The following ROBO2 variants were observed in gnomAD, a reference collection of about 807,000 sequenced individuals.
ROBO2 encodes roundabout homolog 2.
A neutral mutation model predicts 160.8 loss-of-function variants in ROBO2; 53 were observed. The ratio of observed to expected loss-of-function variants is 0.33; its 90% CI spans 0.26 to 0.41. The LOEUF (loss-of-function observed/expected upper bound fraction) is 0.41, where lower values mean the gene tolerates loss of function less well. ROBO2 is among the 10% of genes least tolerant of loss of function. The pLI, the probability that ROBO2 is intolerant of heterozygous loss-of-function variation, is 1.00. For synonymous variants in ROBO2, 664 were observed against 611.7 expected, an observed-to-expected ratio of 1.09 and a Z score of -1.26; for missense variants, 1,577 against 1,722.4, an observed-to-expected ratio of 0.92 and a Z score of 1.49.
At chr3:77,146,840 C>T (rs547896697) in intron 2 of ROBO2, among the ~76,000 whole-genome samples, 15 of 152,170 alleles carry the variant, frequency 9.9e-5, no homozygotes, top group East Asian at 3.9e-4. Flanking sequence ...TGGTGGCACG[C>T]GCCTGCAGTC....
chr3:77,427,791 T>A (rs2078354517), intron 2 of ROBO2, among the ~76,000 whole-genome samples: 2 of 152,222 alleles, frequency 1.3e-5, no homozygotes, highest in African/African-American at 4.8e-5. Context: ...CTGCTAATTA[T>A]CCTACTGGAA....
At chr3:76,469,995 C>T (rs1001477124) in intron 2 of ROBO2, among the ~76,000 whole-genome samples, 1 of 152,072 alleles carries the variant, frequency 6.6e-6, no homozygotes, top group African/African-American at 2.4e-5. Context: ...CCAGCTTGGA[C>T]CCTTACTTTT....
chr3:75,931,281 C>T (rs945784122), intron 1 of ROBO2, among the ~76,000 whole-genome samples: 1 of 152,180 alleles, frequency 6.6e-6, no homozygotes, highest in Non-Finnish European at 1.5e-5. Context: ...TCTTTTTATT[C>T]TCAGGTCTTA....
intron 2 of ROBO2, among the ~76,000 whole-genome samples, chr3:76,752,574 GCAGTCT>G (rs2307862): frequency 0.18 from 27,706 of 151,586 alleles, 2,656 homozygotes; most frequent in Non-Finnish European, 0.22. Flanking sequence ...TAAGACTAAA[GCAGTCT>G]CAGTATTCAT....
intron 2 of ROBO2, among the ~76,000 whole-genome samples, chr3:76,452,148 A>G (rs1017523761): frequency 6.6e-6 from 1 of 152,052 alleles, no homozygotes; most frequent in Non-Finnish European, 1.5e-5. Context: ...TATTTATGTT[A>G]CTTTGCTTTT....
chr3:77,536,605 CT>C (rs1411083039), intron 6 of ROBO2, among the ~76,000 whole-genome samples: 2 of 152,192 alleles, frequency 1.3e-5, no homozygotes, highest in Middle Eastern at 3.4e-3. Flanking sequence ...TTGTAACATG[CT>C]TGATTGTTTC....
At chr3:77,418,182 C>A (rs2153529349) in intron 2 of ROBO2, among the ~76,000 whole-genome samples, 1 of 152,160 alleles carries the variant, frequency 6.6e-6, no homozygotes, top group African/African-American at 2.4e-5. Flanking sequence ...TCACAGCAGC[C>A]TTTTTGGTGC....
chr3:76,340,759 C>T lies in ROBO2; in HGVS notation c.109+403157C>T, dbSNP rs2074175575. ...ATGGATAAATAAGATGTCAATGCTG[C>T]AAATAAAATGAACTTTTTTTAGTTC... On this transcript the variant is annotated intron_variant, in intron 2 of 26. Coordinates refer to the ROBO2 transcript ENST00000487694. 2.0e-5 allele frequency among the ~76,000 whole-genome samples: 3 copies of T among 152,002 alleles called. No homozygotes were observed. The South Asian group carries it at 6.2e-4, about 32-fold the overall frequency.
intron 2 of ROBO2, among the ~76,000 whole-genome samples, chr3:76,039,519 A>G (rs12489859): frequency 0.42 from 64,174 of 151,714 alleles, 14,135 homozygotes; most frequent in Middle Eastern, 0.6. Flanking sequence ...TCTCTTAAGA[A>G]AAAAACCATT....
intron 2 of ROBO2, among the ~76,000 whole-genome samples, chr3:76,935,249 A>G (rs1037641324): frequency 1.3e-5 from 2 of 152,096 alleles, no homozygotes; most frequent in African/African-American, 4.8e-5. Context: ...CACCACACCC[A>G]GCCTAGACTT....
At chr3:77,595,230 G>T (rs762943043) in intron 18 of ROBO2, 46 bp downstream of exon 19, 2 of 1,428,594 alleles carry the variant, frequency 1.4e-6, no homozygotes, top group African/African-American at 1.4e-5. Flanking sequence ...TTTTAATCAG[G>T]ACTGGGGAAA....
intron 1 of ROBO2, among the ~76,000 whole-genome samples, chr3:75,927,620 GAATGCAGAACAAAAAAAGACACTTTT>G (rs1947339695): frequency 6.6e-6 from 1 of 152,148 alleles, no homozygotes; most frequent in Admixed American, 6.5e-5. Context: ...GTTCCACACA[GAATGCAGAACAAAAAAAGACACTTTT>G]AAAATCCTTT....
chr3:77,644,318 CAT>C (rs1342355664), intron 24 of ROBO2, among the ~76,000 whole-genome samples: 1 of 152,026 alleles, frequency 6.6e-6, no homozygotes, highest in African/African-American at 2.4e-5. Context: ...AAACAAAAAA[CAT>C]GTTTCTTTAA....
At chr3:76,049,173 T>C (rs1169639729) in intron 2 of ROBO2, among the ~76,000 whole-genome samples, 2 of 151,738 alleles carry the variant, frequency 1.3e-5, no homozygotes, top group Admixed American at 6.6e-5. Context: ...GGAGCCCCCT[T>C]TTCCGTTTAA....
intron 2 of ROBO2, among the ~76,000 whole-genome samples, chr3:76,114,271 CTG>C (rs1424573013): frequency 6.6e-6 from 1 of 151,854 alleles, no homozygotes; most frequent in Non-Finnish European, 1.5e-5. Flanking sequence ...CCCAAGTACT[CTG>C]TGAATATCTA....
chr3:76,605,564 G>C (rs1417644886), intron 2 of ROBO2, among the ~76,000 whole-genome samples: 1 of 152,118 alleles, frequency 6.6e-6, no homozygotes, highest in Non-Finnish European at 1.5e-5. Flanking sequence ...TGTTCTAATA[G>C]GCAGAATTTT....
intron 2 of ROBO2, among the ~76,000 whole-genome samples, chr3:76,939,469 G>A (rs904837343): frequency 6.6e-6 from 1 of 151,982 alleles, no homozygotes; most frequent in Non-Finnish European, 1.5e-5. Context: ...AAATTTAAAG[G>A]CTTGTGAACA....
chr3:76,058,441 AT>A (rs2067932878), intron 2 of ROBO2, among the ~76,000 whole-genome samples: 1 of 152,202 alleles, frequency 6.6e-6, no homozygotes, highest in Non-Finnish European at 1.5e-5. Flanking sequence ...TAATAAGTTC[AT>A]ATTTTAAATG....
At position 76,475,184 on chromosome 3, in the gene ROBO2, G is replaced by C. The variant is rs187768460; in HGVS notation, c.109+537582G>C. Among the ~76,000 whole-genome samples the C allele has an allele frequency of 2.0e-5, 3 of 152,072 alleles. No individual in the cohort carries two copies. In the South Asian group the frequency reaches 6.2e-4, roughly 32 times the overall value. ...CAGGACCAGGTTCACTCATAAGATG[G>C]TATTTGACCACGGGAAAAAATAAAA... On this transcript the variant is annotated intron_variant, in intron 2 of 26. Transcript: ENST00000487694.
Sources: gnomAD v4.1 joint callset for allele counts (sites outside exome capture counted in the v4.1 genomes callset) on GRCh38, gnomAD v4.1.1 for gene constraint, MANE v1.5 for transcripts, NCBI Gene and HGNC (gene_info 2026-07-23, HGNC 2026-07-21) for gene names.